Variants in SLC5A12 observed in about 807,000 individuals in gnomAD.
SLC5A12 encodes the protein solute carrier family 5 member 12.
A neutral mutation model predicts 72.7 loss-of-function variants in SLC5A12; 46 were observed. The ratio of observed to expected loss-of-function variants is 0.63; its 90% CI spans 0.50 to 0.81. The LOEUF (loss-of-function observed/expected upper bound fraction) is 0.81, where lower values mean the gene tolerates loss of function less well. Among genes scored for constraint, SLC5A12 ranks in the 30% least tolerant of loss-of-function variants. The pLI, the probability that SLC5A12 is intolerant of heterozygous loss-of-function variation, is 0.00. For synonymous variants in SLC5A12, 275 were observed against 264.4 expected, an observed-to-expected ratio of 1.04 and a Z score of -0.39; for missense variants, 683 against 740.7, an observed-to-expected ratio of 0.92 and a Z score of 0.90.
Position 26,690,608 on chromosome 11 carries a change from C to T in SLC5A12, c.1153+1881G>A, listed in dbSNP as rs188884222. Among the ~76,000 whole-genome samples, 293 of 145,170 alleles carry T rather than the reference C, an allele frequency of 2.0e-3. 1 individual carries two copies. The highest frequency in any genetic ancestry group is 6.6e-3 in the African/African-American group (255 of 38,812). ...GGGGGATCACCTGAGGTTGGGACTT[C>T]GAGACCAGCCTGACCAACATGGAGA... On this transcript the variant is annotated intron_variant, in intron 9 of 14. Transcript: ENST00000396005.
Position 26,671,224 on chromosome 11 carries a change from T to G in SLC5A12, c.1735A>C (p.Lys579Gln), listed in dbSNP as rs779785735. Reference protein sequence around the residue: ...QENLENGSARKQGAESVLQNG... With the variant: ...QENLENGSARQQGAESVLQNG... ...TGTAAGACAGATTCAGCCCCCTGTT[T>G]CCGGGCACTGCCATTCTCAAGGTTT... The change falls in exon 15 of 15, where the codon AAA (lysine) becomes CAA (glutamine). Residue 579 changes from lysine to glutamine, a missense_variant. Physicochemically the swap from Lys to Gln is moderately conservative, Grantham distance 53. Coordinates refer to ENST00000396005, the MANE Select transcript of SLC5A12 (RefSeq NM_178498.4). 6.9e-6 allele frequency: 11 copies of G among 1,604,600 alleles called. No homozygotes were observed. Among genetic ancestry groups the G allele is most frequent in the East Asian group, 2.3e-5 (1 of 44,084 alleles).
At chr11:26,709,433 G>C (rs1242081878) in intron 3 of SLC5A12, 54 bp from the exon 4 acceptor site, 3 of 1,370,938 alleles carry the variant, frequency 2.2e-6, no homozygotes, top group Admixed American at 3.9e-5. Flanking sequence ...AATTAAAAGA[G>C]CAAGTTTTAT....
At chr11:26,714,364 G>A (rs1855300180) in intron 1 of SLC5A12, among the ~76,000 whole-genome samples, 1 of 152,082 alleles carries the variant, frequency 6.6e-6, no homozygotes, top group Non-Finnish European at 1.5e-5. Context: ...GGATCTTACA[G>A]ATTAGACGAA....
chr11:26,693,876 A>G (rs1313067269), intron 8 of SLC5A12, among the ~76,000 whole-genome samples: 3 of 152,146 alleles, frequency 2.0e-5, no homozygotes, highest in African/African-American at 7.2e-5. Flanking sequence ...AAGAATCAAA[A>G]CATGATATGT....
At chr11:26,719,526 C>T (rs1855429664) in intron 1 of SLC5A12, among the ~76,000 whole-genome samples, 1 of 152,102 alleles carries the variant, frequency 6.6e-6, no homozygotes, top group Non-Finnish European at 1.5e-5. Context: ...GCACTCCCAT[C>T]TCTTTGATCT....
chr11:26,680,132 G>A (rs765360020), intron 12 of SLC5A12, among the ~76,000 whole-genome samples: 4 of 151,340 alleles, frequency 2.6e-5, no homozygotes, highest in Non-Finnish European at 5.9e-5. Context: ...CCAGTATGGG[G>A]AGATATTGAT....
At position 26,693,765 on chromosome 11, in the gene SLC5A12, G is replaced by A. The variant is rs577449035; in HGVS notation, c.1041-1164C>T. 4.6e-5 allele frequency among the ~76,000 whole-genome samples: 7 copies of A among 152,222 alleles called. No individual in the cohort carries two copies. The South Asian group carries it at 1.0e-3, about 23-fold the overall frequency. On this transcript the variant is annotated intron_variant, in intron 8 of 14. Coordinates refer to ENST00000396005, the MANE Select transcript of SLC5A12 (RefSeq NM_178498.4). ...AGTGCTCACTTGAGAACAAGATATA[G>A]CTATGACTTCTCTAAGTGATATATA...
At chr11:26,672,392 C>A (rs189668880) in intron 14 of SLC5A12, among the ~76,000 whole-genome samples, 3 of 152,178 alleles carry the variant, frequency 2.0e-5, no homozygotes, top group Non-Finnish European at 2.9e-5. Context: ...AACACAACAA[C>A]AACAAAAAAT....
intron 9 of SLC5A12, among the ~76,000 whole-genome samples, chr11:26,690,248 A>T (rs1051153081): frequency 6.6e-6 from 1 of 152,130 alleles, no homozygotes; most frequent in African/African-American, 2.4e-5. Context: ...AATAGCCAAA[A>T]TTTTTTTGTA....
Position 26,683,759 on chromosome 11 carries a change from T to C in SLC5A12, c.1306A>G (p.Lys436Glu), listed in dbSNP as rs763216679. The change falls in exon 11 of 15, where the codon AAG (lysine) becomes GAG (glutamate). Residue 436 changes from lysine to glutamate, a missense_variant and splice_region_variant. Physicochemically the swap from Lys to Glu is moderately conservative, Grantham distance 56 (BLOSUM62 1). Transcript: ENST00000396005. Reference sequence around the variant, plus strand: ...GAAGAGGGCTGTGGGATCCTTACCTTCCAATTCACAAAAGGGAACACGATT... The same window carrying C: ...GAAGAGGGCTGTGGGATCCTTACCTCCCAATTCACAAAAGGGAACACGATT... The part of the protein sequence containing the change: ...LGIVFPFVNW[K>E]GALGGLLTGI... 3 of 1,583,736 alleles carry C rather than the reference T, an allele frequency of 1.9e-6. No homozygotes were observed. The highest frequency in any genetic ancestry group is 2.6e-6 in the Non-Finnish European group (3 of 1,164,206).
At chr11:26,696,567 G>T (rs956075839) in intron 8 of SLC5A12, among the ~76,000 whole-genome samples, 2 of 152,196 alleles carry the variant, frequency 1.3e-5, no homozygotes, top group African/African-American at 2.4e-5. Context: ...AGGGTATACG[G>T]TATAGCCTAT....
chr11:26,688,796 A>C (rs1854597081), intron 9 of SLC5A12, among the ~76,000 whole-genome samples: 1 of 152,138 alleles, frequency 6.6e-6, no homozygotes, highest in Non-Finnish European at 1.5e-5. Context: ...ATAAGGAAAA[A>C]CTGCAAGGAA....
chr11:26,686,860 CTAA>C (rs1027459510), intron 9 of SLC5A12, among the ~76,000 whole-genome samples: 3 of 152,204 alleles, frequency 2.0e-5, no homozygotes, highest in African/African-American at 7.2e-5. Context: ...GAGGTCCAGA[CTAA>C]TCTAGACAAA....
At chr11:26,720,650 G>A (rs1855458167) in intron 1 of SLC5A12, among the ~76,000 whole-genome samples, 1 of 152,004 alleles carries the variant, frequency 6.6e-6, no homozygotes, top group South Asian at 2.1e-4. Context: ...CTTATTAATA[G>A]AAACTTATGT....
At chr11:26,680,561 T>A (rs1590710550) in intron 12 of SLC5A12, among the ~76,000 whole-genome samples, 1 of 151,666 alleles carries the variant, frequency 6.6e-6, no homozygotes, top group Non-Finnish European at 1.5e-5. Context: ...TACACCATAG[T>A]ATCTGATGTA....
chr11:26,711,998 T>C (rs1336893019), intron 2 of SLC5A12, among the ~76,000 whole-genome samples: 1 of 152,080 alleles, frequency 6.6e-6, no homozygotes, highest in Non-Finnish European at 1.5e-5. Flanking sequence ...TAAAGGAGCA[T>C]TGTTTTCCTC....
Position 26,684,131 on chromosome 11 carries a change from T to A in SLC5A12, c.1222-288A>T, listed in dbSNP as rs1463700939. ...ACTCATTGAACTTCAGAGTCTTCTT[T>A]CTCTATAAAAAATATAAGGTCATAG... On this transcript the variant is annotated intron_variant, in intron 10 of 14. Transcript: ENST00000396005. 2.6e-5 allele frequency among the ~76,000 whole-genome samples: 4 copies of A among 152,208 alleles called. No homozygotes were observed. The East Asian group carries it at 7.7e-4, about 29-fold the overall frequency.
intron 13 of SLC5A12, among the ~76,000 whole-genome samples, chr11:26,675,246 A>G (rs1035740947): frequency 6.6e-6 from 1 of 152,224 alleles, no homozygotes; most frequent in African/African-American, 2.4e-5. Flanking sequence ...TAAGAAGGAC[A>G]GGACTCTGCT....
rs941812603 is a variant in SLC5A12, at chr11:26,667,027, T to A, written c.*4075A>T. 5 of 151,944 alleles carry A rather than the reference T, an allele frequency of 3.3e-5. No homozygotes were observed. The highest frequency in any genetic ancestry group is 6.6e-5 in the Admixed American group (1 of 15,206). The allele number at this position is 151,944 out of a possible 1,614,324, so 9.4% of individuals were successfully genotyped here. A position where few individuals can be genotyped will look rare whatever the true frequency, so the allele number is the denominator to read the frequency against. ...AAATCTACCCATTAGTAATTTACTA[T>A]CAATGACGAGTTACATTTTATTAGT... is the stretch of plus-strand genomic sequence containing the variant. On this transcript the variant is annotated 3_prime_UTR_variant, in exon 15 of 15. Transcript: ENST00000396005.
Sources: allele counts gnomAD v4.1 joint callset (sites outside exome capture counted in the v4.1 genomes callset), GRCh38; gene constraint gnomAD v4.1.1; transcripts MANE v1.5; gene names NCBI Gene and HGNC (gene_info 2026-07-23, HGNC 2026-07-21).